DEPDC5: variants seen among roughly 807,000 people sequenced by gnomAD.
DEPDC5 encodes DEP domain containing 5, GATOR1 subcomplex subunit.
In DEPDC5, 73 loss-of-function variants were observed where a neutral mutation model predicts 217.3. That is an observed-to-expected ratio of 0.34 (90% confidence interval 0.28 to 0.41). The LOEUF (loss-of-function observed/expected upper bound fraction) is 0.41. DEPDC5 is among the 10% of genes least tolerant of loss of function. The probability of loss-of-function intolerance (pLI) is 1.00; values close to 1 mark genes in which losing one functional copy is unlikely to be tolerated. For synonymous variants in DEPDC5, 733 were observed against 756.7 expected, an observed-to-expected ratio of 0.97 and a Z score of 0.51; for missense variants, 1,675 against 2,070.1, an observed-to-expected ratio of 0.81 and a Z score of 3.70.
intron 21 of DEPDC5, chr22:31,817,603 T>C (rs2089274602): frequency 5.0e-6 from 1 of 198,620 alleles, no homozygotes; most frequent in Non-Finnish European, 1.0e-5. Context: ...ATCCTCCCAC[T>C]TCAGCCTCCC....
chr22:31,847,092 T>A, intron 31 of DEPDC5, 125 bp downstream of exon 31: 5 of 1,397,310 alleles, frequency 3.6e-6, no homozygotes, highest in Non-Finnish European at 4.9e-6. Context: ...GAGAAGGCAT[T>A]TATGTGAAAA....
At chr22:31,802,664 C>A in intron 14 of DEPDC5, 40 bp from the exon 15 acceptor site, 1 of 1,495,194 alleles carries the variant, frequency 6.7e-7, no homozygotes, top group Non-Finnish European at 9.0e-7. Flanking sequence ...TTCTGAAAAG[C>A]TGTAACATCA....
At chr22:31,885,836 C>T (rs571438858) in intron 38 of DEPDC5, among the ~76,000 whole-genome samples, 8 of 151,684 alleles carry the variant, frequency 5.3e-5, no homozygotes, top group Non-Finnish European at 1.0e-4. Context: ...GAATTTGAGA[C>T]CAGCCTGACC....
intron 7 of DEPDC5, 115 bp downstream of exon 7, chr22:31,768,978 T>G: frequency 7.2e-7 from 1 of 1,398,334 alleles, no homozygotes; most frequent in Admixed American, 1.8e-5. Flanking sequence ...GTTAGATTGT[T>G]GGCTGGCCAC....
At chr22:31,826,034 A>T (rs2090119298) in intron 24 of DEPDC5, among the ~76,000 whole-genome samples, 1 of 150,920 alleles carries the variant, frequency 6.6e-6, no homozygotes, top group Non-Finnish European at 1.5e-5. Context: ...TGAGGAAGAG[A>T]CTCACTCTGT....
In DEPDC5 at chr22:31,815,389, T is replaced by C. The variant is rs775987787; in HGVS notation, c.1666+177T>C. ...AGCTATGTATATATTATACTTCTTT[T>C]TTTTTTTTTTTTTTTTTTGGTGACA... On this transcript the variant is annotated intron_variant, in intron 21 of 42. Transcript: ENST00000651528. The C allele has an allele frequency of 6.0e-3, 1,827 of 303,632 alleles. 13 individuals carry two copies. The highest frequency in any genetic ancestry group is 0.034 in the African/African-American group (1,468 of 43,066). 18.8% of individuals were successfully genotyped at this position (303,632 alleles called of 1,614,324 possible). A position where few individuals can be genotyped will look rare whatever the true frequency, so the allele number is the denominator to read the frequency against.
intron 20 of DEPDC5, 121 bp from the exon 21 acceptor site, chr22:31,814,871 C>T: frequency 9.9e-7 from 1 of 1,013,088 alleles, no homozygotes; most frequent in Non-Finnish European, 1.5e-6. Flanking sequence ...ACTTGTAGAT[C>T]ACACTGGGGA....
At chr22:31,815,674 T>C (rs2148766593) in intron 21 of DEPDC5, 1 of 591,370 alleles carries the variant, frequency 1.7e-6, no homozygotes, top group East Asian at 3.1e-5. Flanking sequence ...ACTGGGACTA[T>C]AGCATGCCAC....
intron 14 of DEPDC5, among the ~76,000 whole-genome samples, chr22:31,800,123 G>T (rs144407196): frequency 6.6e-6 from 1 of 152,140 alleles, no homozygotes; most frequent in East Asian, 1.9e-4. Context: ...CCTAAACTAA[G>T]AATGCTTTTG....
intron 3 of DEPDC5, among the ~76,000 whole-genome samples, 173 bp from the exon 4 acceptor site, chr22:31,760,483 C>T (rs146237602): frequency 0.014 from 2,080 of 152,326 alleles, 16 homozygotes; most frequent in Middle Eastern, 0.031. Context: ...GGATTACAGG[C>T]GTGAGCCACC....
At chr22:31,825,714 A>G (rs1455498172) in intron 24 of DEPDC5, among the ~76,000 whole-genome samples, 2 of 152,184 alleles carry the variant, frequency 1.3e-5, no homozygotes, top group African/African-American at 2.4e-5. Context: ...CTTCTGATTC[A>G]TAGTCCATAC....
At chr22:31,831,712 C>A (rs1043109326) in intron 24 of DEPDC5, among the ~76,000 whole-genome samples, 2 of 152,142 alleles carry the variant, frequency 1.3e-5, no homozygotes, top group Middle Eastern at 3.2e-3. Context: ...CCCCCCGCCT[C>A]GGCCTCCCAA....
At chr22:31,808,034 C>T (rs1347344170) in intron 18 of DEPDC5, among the ~76,000 whole-genome samples, 1 of 152,110 alleles carries the variant, frequency 6.6e-6, no homozygotes, top group East Asian at 1.9e-4. Context: ...ATAGAAAGGG[C>T]CTCTCTTGCC....
intron 38 of DEPDC5, among the ~76,000 whole-genome samples, chr22:31,889,611 G>A (rs183921265): frequency 1.4e-5 from 2 of 144,344 alleles, no homozygotes; most frequent in African/African-American, 5.2e-5. Flanking sequence ...GTGCAGAGGC[G>A]CTCACTGCAA....
At chr22:31,786,464 T>A (rs75953951) in intron 10 of DEPDC5, among the ~76,000 whole-genome samples, 1 of 150,388 alleles carries the variant, frequency 6.6e-6, no homozygotes, top group Non-Finnish European at 1.5e-5. Context: ...ATTTTCCTTA[T>A]GTTTAAAAGT....
intron 30 of DEPDC5, among the ~76,000 whole-genome samples, chr22:31,845,966 C>T (rs1360748442): frequency 2.0e-5 from 3 of 151,700 alleles, no homozygotes; most frequent in African/African-American, 7.3e-5. Flanking sequence ...CTTAGGCTTC[C>T]AAGTAGCTGG....
rs777746872 is a variant in DEPDC5 at position 31,784,887 on chromosome 22, CTT to C, written c.624+13_624+14del. 447 of 1,608,702 alleles carry C rather than the reference CTT, an allele frequency of 2.8e-4. 4 individuals are homozygous for C. Among genetic ancestry groups the C allele is most frequent in the Non-Finnish European group, 1.8e-5 (21 of 1,176,894 alleles). ...TTACCAAGTGGAAGGTACATTTCTT[CTT>C]ACACACTAAGTCTCATTATGTAAAC... On this transcript the variant is annotated intron_variant, in intron 10 of 42. Coordinates refer to ENST00000651528, the MANE Select transcript of DEPDC5 (RefSeq NM_001242896.3).
At chr22:31,838,529 A>C (rs1265850034) in intron 26 of DEPDC5, among the ~76,000 whole-genome samples, 156 bp from the exon 27 acceptor site, 2 of 152,258 alleles carry the variant, frequency 1.3e-5, no homozygotes, top group Non-Finnish European at 2.9e-5. Flanking sequence ...AGGATTACAG[A>C]CATGAGCCAC....
chr22:31,838,202 C>T (rs1398908045), intron 26 of DEPDC5, among the ~76,000 whole-genome samples: 1 of 152,140 alleles, frequency 6.6e-6, no homozygotes, highest in African/African-American at 2.4e-5. Context: ...CATTGAGTTA[C>T]CTGCCTCTTT....
Sources: gnomAD v4.1 joint callset for allele counts (sites outside exome capture counted in the v4.1 genomes callset) on GRCh38, gnomAD v4.1.1 for gene constraint, MANE v1.5 for transcripts, NCBI Gene and HGNC (gene_info 2026-07-23, HGNC 2026-07-21) for gene names.